Variants in HTR2C observed in about 807,000 individuals in gnomAD.
The protein encoded by HTR2C is 5-hydroxytryptamine receptor 2C, also known as 5-hydroxytryptamine (serotonin) receptor 2C, G protein-coupled.
A neutral mutation model predicts 21.0 loss-of-function variants in HTR2C; 5 were observed. That is an observed-to-expected ratio of 0.24 (90% CI 0.12 to 0.50). HTR2C has a LOEUF of 0.50. Ranked by LOEUF, HTR2C falls within the 20% of genes least tolerant of loss-of-function variation. The probability of loss-of-function intolerance (pLI) is 0.98; values close to 1 mark genes in which losing one functional copy is unlikely to be tolerated. For synonymous variants in HTR2C, 150 were observed against 145.3 expected (o/e 1.03, Z -0.23); for missense variants, 271 against 371.2 (o/e 0.73, Z 2.22).
intron 5 of HTR2C, among the ~76,000 whole-genome samples, chrX:114,853,236 T>A: frequency 8.9e-6 from 1 of 111,988 alleles, no homozygotes; most frequent in Non-Finnish European, 1.9e-5. Flanking sequence ...TGATTTTTTT[T>A]CATTTTTATT....
At chrX:114,772,358 C>A (rs1461837063) in intron 4 of HTR2C, among the ~76,000 whole-genome samples, 3 of 110,796 alleles carry the variant, frequency 2.7e-5, no homozygotes, top group African/African-American at 9.9e-5. Flanking sequence ...TCACTTTTAA[C>A]AAATGACTCA....
chrX:114,875,513 G>GT (rs1350903338), intron 5 of HTR2C, among the ~76,000 whole-genome samples: 2 of 110,161 alleles, frequency 1.8e-5, no homozygotes, highest in African/African-American at 3.3e-5. Context: ...TTTTCCCTAT[G>GT]TTTTTTTCAA....
At chrX:114,833,247 A>T (rs1351623060) in intron 4 of HTR2C, among the ~76,000 whole-genome samples, 7 of 101,778 alleles carry the variant, frequency 6.9e-5, no homozygotes, top group African/African-American at 2.1e-4. Flanking sequence ...CTCTTTTTCT[A>T]TTGATTGGAA....
intron 2 of HTR2C, among the ~76,000 whole-genome samples, chrX:114,681,709 T>C (rs1299240175): frequency 8.9e-6 from 1 of 111,874 alleles, no homozygotes; most frequent in African/African-American, 3.2e-5. Flanking sequence ...ATCTAATCTC[T>C]AGATTACCAA....
rs2071396989 is a variant in HTR2C at position 114,909,170 on chromosome X, G to C, written c.*1755G>C. On this transcript the variant is annotated 3_prime_UTR_variant, in exon 6 of 6. Coordinates refer to ENST00000276198, the MANE Select transcript of HTR2C (RefSeq NM_000868.4). ...ACTGCCAAACATCAGTCAATTGCTT[G>C]AGCATGCCCAAATATAACATGAAAG... is the stretch of plus-strand genomic sequence containing the variant. 8.9e-6 allele frequency: 1 copy of C among 112,680 alleles called. No individual in the cohort carries two copies. The highest frequency in any genetic ancestry group is 1.9e-5 in the Non-Finnish European group (1 of 53,289). 9.3% of individuals were successfully genotyped at this position (112,680 alleles called of 1,213,427 possible). A position where few individuals can be genotyped will look rare whatever the true frequency, so the allele number is the denominator to read the frequency against.
chrX:114,896,125 T>C (rs782676332), intron 5 of HTR2C, among the ~76,000 whole-genome samples: 5 of 112,244 alleles, frequency 4.5e-5, no homozygotes, highest in African/African-American at 6.5e-5. Flanking sequence ...GCTATTTAGA[T>C]GGTTGTAATT....
At chrX:114,786,271 T>C (rs1207484517) in intron 4 of HTR2C, among the ~76,000 whole-genome samples, 1 of 111,929 alleles carries the variant, frequency 8.9e-6, no homozygotes, top group Non-Finnish European at 1.9e-5. Flanking sequence ...TAGCATTATA[T>C]AGCAGTAGAA....
intron 4 of HTR2C, among the ~76,000 whole-genome samples, chrX:114,807,007 AT>A (rs1238537916): frequency 1.4e-5 from 1 of 73,286 alleles, no homozygotes; most frequent in African/African-American, 5.8e-5. Context: ...TACCATATAT[AT>A]CACATATATA....
chrX:114,787,176 C>A (rs782752861), intron 4 of HTR2C, among the ~76,000 whole-genome samples: 1 of 111,962 alleles, frequency 8.9e-6, no homozygotes, highest in East Asian at 2.8e-4. Context: ...TAAGAAGGAG[C>A]CATCTGTCCT....
chrX:114,861,105 C>G (rs1198897274), intron 5 of HTR2C, among the ~76,000 whole-genome samples: 1 of 110,902 alleles, frequency 9.0e-6, no homozygotes, highest in African/African-American at 3.3e-5. Flanking sequence ...AATTTTATTA[C>G]CTATCGTCCA....
intron 2 of HTR2C, among the ~76,000 whole-genome samples, chrX:114,684,774 G>C (rs904925622): frequency 1.8e-5 from 2 of 111,294 alleles, no homozygotes; most frequent in Middle Eastern, 4.3e-3. Context: ...CCTCATTATA[G>C]TACATTAAAA....
chrX:114,838,566 G>T (rs1165928609), intron 4 of HTR2C, among the ~76,000 whole-genome samples: 1 of 111,783 alleles, frequency 8.9e-6, no homozygotes, highest in Non-Finnish European at 1.9e-5. Context: ...TATTGGTGGG[G>T]ATACCTGTGA....
intron 2 of HTR2C, among the ~76,000 whole-genome samples, chrX:114,622,648 T>C (rs1337862992): frequency 8.9e-6 from 1 of 111,890 alleles, no homozygotes; most frequent in Admixed American, 9.6e-5. Flanking sequence ...TTTACTACCA[T>C]TTAACAGATG....
intron 2 of HTR2C, among the ~76,000 whole-genome samples, chrX:114,657,407 G>C (rs868983127): frequency 2.7e-5 from 3 of 110,679 alleles, no homozygotes; most frequent in Middle Eastern, 4.6e-3. Context: ...TGCATACATG[G>C]AACCCACAAT....
intron 2 of HTR2C, among the ~76,000 whole-genome samples, chrX:114,642,185 G>A (rs782124608): frequency 9.0e-6 from 1 of 111,699 alleles, no homozygotes; most frequent in South Asian, 3.7e-4. Context: ...TTGCTATTGT[G>A]AATAATGCTA....
intron 4 of HTR2C, among the ~76,000 whole-genome samples, chrX:114,757,776 AATC>A (rs2069828005): frequency 8.9e-6 from 1 of 112,172 alleles, no homozygotes; most frequent in Non-Finnish European, 1.9e-5. Context: ...TTCAATTTGC[AATC>A]ATCATTTTAT....
intron 4 of HTR2C, among the ~76,000 whole-genome samples, chrX:114,828,989 G>C (rs950272179): frequency 9.0e-6 from 1 of 111,437 alleles, no homozygotes; most frequent in Non-Finnish European, 1.9e-5. Context: ...ATAGATATTT[G>C]GGTTGTTTCC....
intron 5 of HTR2C, among the ~76,000 whole-genome samples, chrX:114,868,019 T>A (rs1425010125): frequency 4.5e-5 from 5 of 110,439 alleles, no homozygotes; most frequent in Non-Finnish European, 7.6e-5. Flanking sequence ...ATTTTAGAAT[T>A]TTTTTTTTCT....
At chrX:114,776,207 C>T (rs2070055353) in intron 4 of HTR2C, 1 of 560,735 alleles carries the variant, frequency 1.8e-6, no homozygotes, top group Non-Finnish European at 3.3e-6. Flanking sequence ...TCTTTCAGCT[C>T]CAACCTTTTT....
Sources: allele counts gnomAD v4.1 joint callset (sites outside exome capture counted in the v4.1 genomes callset), GRCh38; gene constraint gnomAD v4.1.1; transcripts MANE v1.5; gene names NCBI Gene and HGNC (gene_info 2026-07-23, HGNC 2026-07-21).